NALF1: variants seen among roughly 807,000 people sequenced by gnomAD.
NALF1 encodes NALCN channel auxiliary factor 1.
NALF1 carries 3 observed loss-of-function variants against 48.4 expected under a neutral mutation model. The ratio of observed to expected loss-of-function variants is 0.06; its 90% CI spans 0.03 to 0.16. The LOEUF is 0.16. Among genes scored for constraint, NALF1 ranks in the 10% least tolerant of loss-of-function variants. The pLI is 1.00. For missense variants in NALF1, 526 were observed against 571.5 expected (o/e 0.92, Z 0.81); for synonymous variants, 262 against 245.7 (o/e 1.07, Z -0.62).
intron 1 of NALF1, among the ~76,000 whole-genome samples, chr13:107,699,908 T>C (rs962526673): frequency 6.6e-6 from 1 of 152,002 alleles, no homozygotes; most frequent in African/African-American, 2.4e-5. Flanking sequence ...CCATTTATAA[T>C]AGAATCAAAG....
At chr13:107,753,150 G>T (rs544891935) in intron 1 of NALF1, among the ~76,000 whole-genome samples, 9 of 152,304 alleles carry the variant, frequency 5.9e-5, no homozygotes, top group African/African-American at 1.7e-4. Context: ...GCAGCCCTGG[G>T]TTTGGCCATC....
intron 1 of NALF1, among the ~76,000 whole-genome samples, chr13:107,416,013 CTT>C (rs200025051): frequency 7.1e-6 from 1 of 139,944 alleles, no homozygotes; most frequent in African/African-American, 2.6e-5. Flanking sequence ...ATTTTTTTTT[CTT>C]TTTTTTTTTG....
intron 1 of NALF1, among the ~76,000 whole-genome samples, chr13:107,424,475 G>T (rs902724755): frequency 2.6e-5 from 4 of 152,144 alleles, no homozygotes; most frequent in African/African-American, 9.7e-5. Flanking sequence ...CGTGATGGGG[G>T]AGGTGATAGG....
intron 1 of NALF1, among the ~76,000 whole-genome samples, chr13:107,613,340 G>A (rs1053960580): frequency 2.6e-5 from 4 of 152,152 alleles, no homozygotes; most frequent in Non-Finnish European, 5.9e-5. Flanking sequence ...TGGCAGGTAG[G>A]CGGCCTCCGC....
intron 1 of NALF1, among the ~76,000 whole-genome samples, chr13:107,421,658 T>C (rs1413195569): frequency 2.0e-5 from 3 of 152,166 alleles, no homozygotes; most frequent in Non-Finnish European, 2.9e-5. Flanking sequence ...GATTTTATAA[T>C]GATGCCTCCT....
intron 1 of NALF1, among the ~76,000 whole-genome samples, chr13:107,583,902 T>C (rs1302425187): frequency 1.3e-5 from 2 of 152,098 alleles, no homozygotes; most frequent in African/African-American, 4.8e-5. Flanking sequence ...AACTTTCTTC[T>C]TTGGCTCCCA....
chr13:107,644,797 A>G (rs1195894114), intron 1 of NALF1, among the ~76,000 whole-genome samples: 1 of 151,870 alleles, frequency 6.6e-6, no homozygotes, highest in Non-Finnish European at 1.5e-5. Flanking sequence ...TACAGAAAGA[A>G]AAGTGAACAC....
intron 1 of NALF1, among the ~76,000 whole-genome samples, chr13:107,254,062 A>AAAAAAAAATATATATATATATATATAT: frequency 6.9e-4 from 96 of 138,666 alleles, no homozygotes; most frequent in African/African-American, 2.4e-3. Context: ...CAAGTACTAA[A>AAAAAAAAATATATATATATATATATAT]ATATATATAT....
intron 1 of NALF1, among the ~76,000 whole-genome samples, chr13:107,672,684 T>C (rs993718878): frequency 5.3e-5 from 8 of 152,204 alleles, no homozygotes; most frequent in Non-Finnish European, 1.0e-4. Context: ...TTCTCTTTAC[T>C]ATAATCATCA....
At chr13:107,383,634 T>C (rs893734564) in intron 1 of NALF1, among the ~76,000 whole-genome samples, 1 of 152,236 alleles carries the variant, frequency 6.6e-6, no homozygotes, top group Admixed American at 6.5e-5. Flanking sequence ...TTGATGTTTA[T>C]ACCTTTGTCA....
intron 1 of NALF1, among the ~76,000 whole-genome samples, chr13:107,701,137 A>G (rs1881808009): frequency 1.3e-5 from 2 of 152,186 alleles, no homozygotes; most frequent in Admixed American, 1.3e-4. Context: ...TTTGGGGTGC[A>G]TACCCAAAGG....
chr13:107,688,644 T>C (rs751231100), intron 1 of NALF1, among the ~76,000 whole-genome samples: 1 of 152,166 alleles, frequency 6.6e-6, no homozygotes, highest in Non-Finnish European at 1.5e-5. Flanking sequence ...TTTTTTTCTA[T>C]ATAGGAAAGA....
intron 1 of NALF1, among the ~76,000 whole-genome samples, chr13:107,518,568 C>G (rs1187483640): frequency 6.6e-6 from 1 of 152,064 alleles, no homozygotes; most frequent in South Asian, 2.1e-4. Context: ...TCTAAGTGCT[C>G]GGGATATTTC....
intron 1 of NALF1, among the ~76,000 whole-genome samples, chr13:107,746,323 T>C (rs1306619935): frequency 1.3e-5 from 2 of 152,190 alleles, no homozygotes; most frequent in African/African-American, 2.4e-5. Context: ...TATTTCTTCA[T>C]AGCAGCGTGA....
At chr13:107,527,595 C>A (rs961539953) in intron 1 of NALF1, among the ~76,000 whole-genome samples, 1 of 152,068 alleles carries the variant, frequency 6.6e-6, no homozygotes, top group African/African-American at 2.4e-5. Context: ...TTTGGCTGTG[C>A]CCCATCCAAA....
chr13:107,588,664 T>C (rs986596564), intron 1 of NALF1, among the ~76,000 whole-genome samples: 13 of 152,236 alleles, frequency 8.5e-5, no homozygotes, highest in African/African-American at 2.6e-4. Flanking sequence ...ACATGTAGTC[T>C]TTTAAATCCA....
At chr13:107,676,286 G>A (rs977890639) in intron 1 of NALF1, among the ~76,000 whole-genome samples, 4 of 152,100 alleles carry the variant, frequency 2.6e-5, no homozygotes, top group Non-Finnish European at 5.9e-5. Context: ...ACTTAGGTCC[G>A]GTGCCTAAAG....
intron 1 of NALF1, among the ~76,000 whole-genome samples, chr13:107,218,525 G>A (rs1000620670): frequency 2.0e-5 from 3 of 152,106 alleles, no homozygotes; most frequent in Non-Finnish European, 4.4e-5. Context: ...CTCAAACCAG[G>A]AACCCTGATG....
chr13:107,269,984 A>G (rs1055672370), intron 1 of NALF1, among the ~76,000 whole-genome samples: 6 of 125,968 alleles, frequency 4.8e-5, no homozygotes, highest in African/African-American at 1.6e-4. Context: ...GTTAGCCAGG[A>G]TGGTCTCGAT....
Sources: allele counts gnomAD v4.1 joint callset (sites outside exome capture counted in the v4.1 genomes callset), GRCh38; gene constraint gnomAD v4.1.1; transcripts MANE v1.5; gene names NCBI Gene and HGNC (gene_info 2026-07-23, HGNC 2026-07-21).